Variants in MARK1 observed in about 807,000 individuals in gnomAD.
MARK1 encodes serine/threonine-protein kinase MARK1.
In MARK1, 40 loss-of-function variants were observed where a neutral mutation model predicts 96.3. The observed-to-expected ratio is 0.42, with a 90% confidence interval of 0.32 to 0.54. The LOEUF (loss-of-function observed/expected upper bound fraction) is 0.54. Ranked by LOEUF, MARK1 falls within the 20% of genes least tolerant of loss-of-function variation. The pLI, the probability that MARK1 is intolerant of heterozygous loss-of-function variation, is 0.16. For synonymous variants in MARK1, 317 were observed against 341.2 expected (o/e 0.93, Z 0.78); for missense variants, 719 against 984.6 (o/e 0.73, Z 3.61).
chr1:220,559,843 G>A (rs1329584693), intron 1 of MARK1, among the ~76,000 whole-genome samples: 1 of 152,186 alleles, frequency 6.6e-6, no homozygotes, highest in Non-Finnish European at 1.5e-5. Context: ...GAAGACAGAG[G>A]AGGAAGAATG....
At chr1:220,539,642 A>T (rs1446162545) in intron 1 of MARK1, among the ~76,000 whole-genome samples, 1 of 151,798 alleles carries the variant, frequency 6.6e-6, no homozygotes, top group Admixed American at 6.6e-5. Flanking sequence ...GGCAATTTTA[A>T]TTTTCCTTCT....
intron 13 of MARK1, among the ~76,000 whole-genome samples, chr1:220,642,942 C>T (rs928260502): frequency 6.6e-6 from 1 of 152,178 alleles, no homozygotes; most frequent in African/African-American, 2.4e-5. Context: ...ACAAAAACCC[C>T]ATCCAAAGGT....
Position 220,662,288 on chromosome 1 carries a change from T to C in MARK1, c.*122T>C. ...CTCCCCATGTAGAATTTGCCCTTAA[T>C]GCAATAAGGTTATACATAGTTATGA... On this transcript the variant is annotated 3_prime_UTR_variant, in exon 18 of 18. Transcript: ENST00000366917. The C allele has an allele frequency of 1.5e-6, 1 of 673,452 alleles. No individual in the cohort carries two copies. Among genetic ancestry groups the C allele is most frequent in the Non-Finnish European group, 2.5e-6 (1 of 400,284 alleles). The allele number at this position is 673,452 out of a possible 1,614,324, so 41.7% of individuals were successfully genotyped here. A position where few individuals can be genotyped will look rare whatever the true frequency, so the allele number is the denominator to read the frequency against.
chr1:220,659,661 C>T (rs1669362581), intron 17 of MARK1, among the ~76,000 whole-genome samples: 1 of 152,018 alleles, frequency 6.6e-6, no homozygotes, highest in Non-Finnish European at 1.5e-5. Context: ...GTCTGTGAGA[C>T]CATGCAGAAA....
At chr1:220,536,401 CT>C (rs377315002) in intron 1 of MARK1, among the ~76,000 whole-genome samples, 4,306 of 140,028 alleles carry the variant, frequency 0.031, 67 homozygotes, top group Middle Eastern at 0.053. Flanking sequence ...TAGTTGTGGG[CT>C]TTTTTTTTTT....
At chr1:220,567,334 A>C (rs1483171725) in intron 1 of MARK1, among the ~76,000 whole-genome samples, 1 of 152,070 alleles carries the variant, frequency 6.6e-6, no homozygotes, top group South Asian at 2.1e-4. Context: ...TATGTGTGGG[A>C]ATTTATTTGT....
chr1:220,613,420 G>C (rs1666566050), intron 6 of MARK1, among the ~76,000 whole-genome samples: 1 of 152,108 alleles, frequency 6.6e-6, no homozygotes, highest in Non-Finnish European at 1.5e-5. Flanking sequence ...GATTCCAGAA[G>C]TACTTATAGA....
chr1:220,586,982 A>T lies in MARK1; in HGVS notation c.309+5864A>T, dbSNP rs543980035. Among the ~76,000 whole-genome samples, 220 of 152,238 alleles carry T rather than the reference A, an allele frequency of 1.4e-3. 2 individuals are homozygous for T. Among genetic ancestry groups the T allele is most frequent in the African/African-American group, 5.0e-3 (208 of 41,550 alleles). On this transcript the variant is annotated intron_variant, in intron 3 of 17. Transcript: ENST00000366917. ...TTATTGCACTAAAATGTTTTGTTCT[A>T]ATCTTGTTTTTAAAGAAATAAAACA...
chr1:220,608,800 C>T (rs1468476676), intron 6 of MARK1, among the ~76,000 whole-genome samples: 1 of 152,164 alleles, frequency 6.6e-6, no homozygotes, highest in Non-Finnish European at 1.5e-5. Context: ...TTTCTGCCTT[C>T]ATTTTGTTAT....
intron 13 of MARK1, among the ~76,000 whole-genome samples, chr1:220,639,505 G>C (rs1282179277): frequency 6.6e-6 from 1 of 152,114 alleles, no homozygotes; most frequent in Non-Finnish European, 1.5e-5. Flanking sequence ...GAAGTGTTCA[G>C]AGTTTTTCAT....
intron 1 of MARK1, among the ~76,000 whole-genome samples, chr1:220,577,072 A>T (rs1257094936): frequency 6.6e-6 from 1 of 152,092 alleles, no homozygotes; most frequent in East Asian, 1.9e-4. Flanking sequence ...AGCCTGGCCA[A>T]CATGATGAGA....
chr1:220,660,944 G>C (rs1669444494), intron 17 of MARK1, among the ~76,000 whole-genome samples: 1 of 152,156 alleles, frequency 6.6e-6, no homozygotes, highest in Admixed American at 6.5e-5. Context: ...ATGTGTAAGT[G>C]CTATCAAGAA....
At chr1:220,606,521 T>G (rs924104955) in intron 6 of MARK1, among the ~76,000 whole-genome samples, 4 of 152,230 alleles carry the variant, frequency 2.6e-5, no homozygotes, top group African/African-American at 9.6e-5. Context: ...AGAAGCTTTT[T>G]AGTTTAATTA....
intron 6 of MARK1, among the ~76,000 whole-genome samples, chr1:220,614,809 A>G (rs1666648275): frequency 6.6e-6 from 1 of 151,998 alleles, no homozygotes; most frequent in African/African-American, 2.4e-5. Context: ...TTTGTTTTGA[A>G]TTCATGTTTT....
intron 1 of MARK1, among the ~76,000 whole-genome samples, chr1:220,531,063 T>A (rs1660285260): frequency 6.6e-6 from 1 of 152,128 alleles, no homozygotes; most frequent in African/African-American, 2.4e-5. Flanking sequence ...TAGAAGACAT[T>A]GTGTAAATAG....
At chr1:220,560,889 T>C (rs1001686470) in intron 1 of MARK1, among the ~76,000 whole-genome samples, 6 of 152,152 alleles carry the variant, frequency 3.9e-5, no homozygotes, top group East Asian at 3.8e-4. Context: ...TGAGTCCTCA[T>C]TGGGATCTGT....
intron 1 of MARK1, among the ~76,000 whole-genome samples, chr1:220,539,214 A>C (rs1323001922): frequency 2.0e-5 from 3 of 151,852 alleles, no homozygotes; most frequent in African/African-American, 4.8e-5. Context: ...TTTGTCATAG[A>C]TAGCTCTTAT....
At position 220,575,896 on chromosome 1, in the gene MARK1, A is replaced by G. The variant is rs116875720; in HGVS notation, c.52-3458A>G. The stretch of plus-strand genomic sequence containing the variant: ...TTTGTCGATCTCTGTGTTACACCAT[A>G]CTTGGTGATGGGGATGCAAAATAAT... On this transcript the variant is annotated intron_variant, in intron 1 of 17. Coordinates refer to ENST00000366917, the MANE Select transcript of MARK1 (RefSeq NM_018650.5). Among the ~76,000 whole-genome samples the G allele has an allele frequency of 3.4e-3, 510 of 150,810 alleles. 17 individuals are homozygous for G. In the East Asian group the frequency reaches 0.081, roughly 24 times the overall value.
At chr1:220,651,610 A>G (rs1027559242) in intron 14 of MARK1, among the ~76,000 whole-genome samples, 1 of 152,214 alleles carries the variant, frequency 6.6e-6, no homozygotes, top group Non-Finnish European at 1.5e-5. Context: ...TGAATAATGG[A>G]CAATGAACTA....
Sources: allele counts gnomAD v4.1 joint callset (sites outside exome capture counted in the v4.1 genomes callset), GRCh38; gene constraint gnomAD v4.1.1; transcripts MANE v1.5; gene names NCBI Gene and HGNC (gene_info 2026-07-23, HGNC 2026-07-21).